Variants in LDB2 observed in about 807,000 individuals in gnomAD.
The protein encoded by LDB2 is LIM domain-binding protein 2.
LDB2 carries 12 observed loss-of-function variants against 44.3 expected under a neutral mutation model. The observed-to-expected ratio is 0.27, with a 90% CI of 0.17 to 0.44. LDB2 has a LOEUF of 0.44. LDB2 is among the 20% of genes least tolerant of loss of function. The probability of loss-of-function intolerance (pLI) is 1.00; values close to 1 mark genes in which losing one functional copy is unlikely to be tolerated. For synonymous variants in LDB2, 164 were observed against 174.8 expected (o/e 0.94, Z 0.49); for missense variants, 344 against 473.5 (o/e 0.73, Z 2.54).
chr4:16,754,738 G>A (rs1766170916), intron 2 of LDB2, among the ~76,000 whole-genome samples: 1 of 152,186 alleles, frequency 6.6e-6, no homozygotes, highest in East Asian at 1.9e-4. Context: ...CACCATATTG[G>A]TCAGGCTGGT....
chr4:16,843,468 G>T (rs1316881446), intron 1 of LDB2, among the ~76,000 whole-genome samples: 1 of 152,134 alleles, frequency 6.6e-6, no homozygotes, highest in Non-Finnish European at 1.5e-5. Flanking sequence ...ATTCTTAAAT[G>T]TTAAATATTG....
At chr4:16,804,617 A>C in intron 1 of LDB2, among the ~76,000 whole-genome samples, 1 of 152,222 alleles carries the variant, frequency 6.6e-6, no homozygotes, top group East Asian at 1.9e-4. Flanking sequence ...GCACAGACAC[A>C]GCTTACCAAA....
intron 2 of LDB2, among the ~76,000 whole-genome samples, chr4:16,608,358 C>T (rs1258473230): frequency 6.6e-6 from 1 of 152,122 alleles, no homozygotes; most frequent in Admixed American, 6.5e-5. Context: ...GTGCTTCTGA[C>T]CCTTGGATTG....
At chr4:16,734,623 C>T (rs540462669) in intron 2 of LDB2, among the ~76,000 whole-genome samples, 1 of 152,280 alleles carries the variant, frequency 6.6e-6, no homozygotes, top group South Asian at 2.1e-4. Flanking sequence ...GCCCCAGCCC[C>T]CTGGCCGAGG....
chr4:16,601,256 C>G (rs2152450486), intron 2 of LDB2, among the ~76,000 whole-genome samples: 1 of 152,212 alleles, frequency 6.6e-6, no homozygotes, highest in Middle Eastern at 3.4e-3. Context: ...TGGTAAATAC[C>G]CTTACCAAAC....
rs541569306 is a variant in LDB2 at position 16,820,189 on chromosome 4, G to A, written c.133-60929C>T. Among the ~76,000 whole-genome samples the A allele has an allele frequency of 1.5e-4, 23 of 152,214 alleles. No homozygotes were observed. In the South Asian group the frequency reaches 4.6e-3, roughly 30 times the overall value. ...TTTAGAAATGATGTGACCAAATATC[G>A]TCTTAGACTTTTAAATTTCTTTTCT... On this transcript the variant is annotated intron_variant, in intron 1 of 7. Transcript: ENST00000304523.
At chr4:16,584,146 T>C (rs905659759) in intron 5 of LDB2, among the ~76,000 whole-genome samples, 5 of 152,012 alleles carry the variant, frequency 3.3e-5, no homozygotes, top group Admixed American at 3.3e-4. Context: ...ACACAGAAGG[T>C]CTCAATACAT....
chr4:16,830,122 AAGAAGAAAAAG>A (rs1266889013), intron 1 of LDB2, among the ~76,000 whole-genome samples: 2 of 152,148 alleles, frequency 1.3e-5, no homozygotes, highest in African/African-American at 2.4e-5. Flanking sequence ...AAAGAAAAAA[AAGAAGAAAAAG>A]AGAAGAAAAA....
chr4:16,838,983 A>C (rs939709746), intron 1 of LDB2, among the ~76,000 whole-genome samples: 21 of 152,246 alleles, frequency 1.4e-4, no homozygotes, highest in African/African-American at 3.4e-4. Flanking sequence ...GCCTCACAAA[A>C]GAGCAGACCA....
At chr4:16,518,057 A>G (rs1331276844) in intron 5 of LDB2, among the ~76,000 whole-genome samples, 1 of 152,198 alleles carries the variant, frequency 6.6e-6, no homozygotes, top group Non-Finnish European at 1.5e-5. Flanking sequence ...TCCTGCATGC[A>G]AAATGCTTTG....
intron 1 of LDB2, among the ~76,000 whole-genome samples, chr4:16,775,735 T>A (rs1212357705): frequency 1.3e-5 from 2 of 152,138 alleles, no homozygotes; most frequent in Admixed American, 1.3e-4. Context: ...TCTGTCTCCC[T>A]CATGAGAAAT....
At position 16,860,824 on chromosome 4, in the gene LDB2, T is replaced by A. The variant is rs573231831; in HGVS notation, c.132+37530A>T. Among the ~76,000 whole-genome samples, 5 of 152,356 alleles carry A rather than the reference T, an allele frequency of 3.3e-5. No individual in the cohort carries two copies. In the South Asian group the frequency reaches 1.0e-3, roughly 32 times the overall value. ...GAATGTATTTTATATCCAGCAATAC[T>A]GTGACCTTGGCTACACTGTAATTCT... is the stretch of plus-strand genomic sequence containing the variant. On this transcript the variant is annotated intron_variant, in intron 1 of 7. Transcript: ENST00000304523.
chr4:16,659,671 G>A (rs867060995), intron 2 of LDB2, among the ~76,000 whole-genome samples: 9 of 133,558 alleles, frequency 6.7e-5, no homozygotes, highest in East Asian at 4.7e-4. Flanking sequence ...ATCTATGTGT[G>A]TATATATATA....
chr4:16,572,176 T>C (rs1203677082), intron 5 of LDB2, among the ~76,000 whole-genome samples: 1 of 152,208 alleles, frequency 6.6e-6, no homozygotes, highest in East Asian at 1.9e-4. Flanking sequence ...AAAAATAAAT[T>C]CAAACAACTC....
At chr4:16,628,795 G>A (rs952113390) in intron 2 of LDB2, among the ~76,000 whole-genome samples, 3 of 152,160 alleles carry the variant, frequency 2.0e-5, no homozygotes, top group African/African-American at 7.2e-5. Context: ...GAAGAAGGGT[G>A]GGGTGTCACC....
At chr4:16,616,240 T>G (rs992316608) in intron 2 of LDB2, among the ~76,000 whole-genome samples, 41 of 152,202 alleles carry the variant, frequency 2.7e-4, no homozygotes, top group Non-Finnish European at 5.0e-4. Context: ...ATCTGTTGGA[T>G]GACTGAATTT....
intron 5 of LDB2, among the ~76,000 whole-genome samples, chr4:16,525,927 T>C (rs1728084935): frequency 6.6e-6 from 1 of 152,160 alleles, no homozygotes. Context: ...GCAGGTTCCA[T>C]GGCATAGGGA....
At chr4:16,844,370 T>C (rs981386444) in intron 1 of LDB2, among the ~76,000 whole-genome samples, 1 of 151,518 alleles carries the variant, frequency 6.6e-6, no homozygotes, top group African/African-American at 2.4e-5. Flanking sequence ...TCATTTCAAA[T>C]TCCTTGGCCA....
chr4:16,771,449 T>C (rs1471263697), intron 1 of LDB2, among the ~76,000 whole-genome samples: 1 of 152,184 alleles, frequency 6.6e-6, no homozygotes, highest in Non-Finnish European at 1.5e-5. Context: ...TCCCTGGGAC[T>C]TCAGAATTGT....
Sources: allele counts gnomAD v4.1 joint callset (sites outside exome capture counted in the v4.1 genomes callset), GRCh38; gene constraint gnomAD v4.1.1; transcripts MANE v1.5; gene names NCBI Gene and HGNC (gene_info 2026-07-23, HGNC 2026-07-21).